Variants in MCC observed in about 807,000 individuals in gnomAD.
MCC encodes MCC regulator of Wnt signaling pathway, also known as colorectal mutant cancer protein.
MCC carries 90 observed loss-of-function variants against 116.2 expected under a neutral mutation model. The ratio of observed to expected loss-of-function variants is 0.77; its 90% CI spans 0.65 to 0.92. The LOEUF is 0.92. Among genes scored for constraint, MCC ranks in the 40% least tolerant of loss-of-function variants. The pLI is 0.00. For missense variants in MCC, 1,516 were observed against 1,312.2 expected (o/e 1.16, Z -2.40); for synonymous variants, 578 against 510.5 (o/e 1.13, Z -1.78).
chr5:113,297,049 T>G (rs1302245679), intron 3 of MCC, among the ~76,000 whole-genome samples: 1 of 152,220 alleles, frequency 6.6e-6, no homozygotes, highest in Non-Finnish European at 1.5e-5. Context: ...GTATGAGATT[T>G]TCTTCATAAA....
intron 3 of MCC, among the ~76,000 whole-genome samples, chr5:113,270,455 A>C (rs1426964998): frequency 6.6e-6 from 1 of 151,686 alleles, no homozygotes; most frequent in Non-Finnish European, 1.5e-5. Flanking sequence ...TTAGGAAAAA[A>C]GAGAACCATA....
intron 3 of MCC, among the ~76,000 whole-genome samples, chr5:113,168,040 C>A (rs1466637104): frequency 6.6e-6 from 1 of 152,088 alleles, no homozygotes; most frequent in Non-Finnish European, 1.5e-5. Flanking sequence ...TTTTGGGAGG[C>A]AACAGTTGTA....
intron 3 of MCC, among the ~76,000 whole-genome samples, chr5:113,286,232 C>G (rs555174071): frequency 1.3e-5 from 2 of 152,304 alleles, no homozygotes; most frequent in South Asian, 2.1e-4. Context: ...CAAGAAGACT[C>G]TAAGAGTGCT....
At position 113,364,253 on chromosome 5, in the gene MCC, A is replaced by C. The variant is rs561790283; in HGVS notation, c.415+20715T>G. The stretch of plus-strand genomic sequence containing the variant: ...CTCAAAAACAGAAAAAAAAAAAAAA[A>C]AAAAAAACCAGAAAAAAAAAAAAAA... On this transcript the variant is annotated intron_variant, in intron 2 of 18. Transcript: ENST00000408903. 3.1e-4 allele frequency among the ~76,000 whole-genome samples: 39 copies of C among 125,714 alleles called. 1 individual carries two copies. Among genetic ancestry groups the C allele is most frequent in the Non-Finnish European group, 4.5e-4 (27 of 60,388 alleles). 82.5% of individuals were successfully genotyped at this position (125,714 alleles called of 152,430 possible).
chr5:113,385,121 T>A lies in MCC; in HGVS notation c.262A>T (p.Ile88Phe). The A allele has an allele frequency of 6.2e-7, 1 of 1,614,224 alleles. No homozygotes were observed. Among genetic ancestry groups the A allele is most frequent in the South Asian group, 1.1e-5 (1 of 91,088 alleles). ...CATCTTGTGAAATCCTGAAAGGAAA[T>A]CTTCCCATTTTCATCTGCTCCCAAC... ...NQLGADENGK[I>F]SFQDFTRCRM... The change falls in exon 2 of 19, where the codon ATT (isoleucine) becomes TTT (phenylalanine). Residue 88 changes from isoleucine (I) to phenylalanine (F), a missense_variant. Transcript: ENST00000408903.
chr5:113,023,010 CAAG>C lies in MCC; in HGVS notation c.*4289_*4291del, dbSNP rs1164457402. On this transcript the variant is annotated 3_prime_UTR_variant, in exon 19 of 19. Coordinates refer to ENST00000408903, the MANE Select transcript of MCC (RefSeq NM_001085377.2). Reference sequence around the variant, plus strand: ...TTTCTCTACACAGGTATTAGCAAAACAAGAATACATGAACAGCTGCTATCAACT... The same window carrying C: ...TTTCTCTACACAGGTATTAGCAAAACAATACATGAACAGCTGCTATCAACT... 4.6e-5 allele frequency: 7 copies of C among 152,210 alleles called. No individual in the cohort carries two copies. The highest frequency in any genetic ancestry group is 2.1e-4 in the South Asian group (1 of 4,834). The allele number at this position is 152,210 out of a possible 1,614,324, so 9.4% of individuals were successfully genotyped here. A position where few individuals can be genotyped will look rare whatever the true frequency, so the allele number is the denominator to read the frequency against.
At chr5:113,236,374 G>C (rs1007238736) in intron 3 of MCC, among the ~76,000 whole-genome samples, 1 of 152,090 alleles carries the variant, frequency 6.6e-6, no homozygotes, top group African/African-American at 2.4e-5. Flanking sequence ...CGGGACCAGA[G>C]AAAGGCAGTA....
intron 3 of MCC, among the ~76,000 whole-genome samples, chr5:113,239,305 A>T (rs1287933549): frequency 6.6e-6 from 1 of 152,186 alleles, no homozygotes; most frequent in African/African-American, 2.4e-5. Context: ...CCATGGAAAC[A>T]TCCAGTATAC....
At chr5:113,471,902 T>C (rs3097242) in intron 1 of MCC, among the ~76,000 whole-genome samples, 104,436 of 151,582 alleles carry the variant, frequency 0.69, 36,413 homozygotes, top group East Asian at 0.88. Context: ...CCTTGCAGTT[T>C]GATCTCAGAC....
At chr5:113,180,327 C>T (rs968762866) in intron 3 of MCC, among the ~76,000 whole-genome samples, 3 of 152,036 alleles carry the variant, frequency 2.0e-5, no homozygotes, top group Non-Finnish European at 2.9e-5. Context: ...ACAGTGCTTC[C>T]AGCTCAGAAA....
chr5:113,104,526 G>C (rs1253121007), intron 6 of MCC, 171 bp from the exon 7 acceptor site: 1 of 474,700 alleles, frequency 2.1e-6, no homozygotes. Flanking sequence ...TGGAGCCAAT[G>C]CAAAGCTCTT....
chr5:113,439,368 G>A (rs1770961283), intron 1 of MCC, among the ~76,000 whole-genome samples: 1 of 139,544 alleles, frequency 7.2e-6, no homozygotes, highest in East Asian at 2.0e-4. Context: ...ACGAGGCCTT[G>A]AAGCAAAGGT....
At chr5:113,048,266 C>T (rs550086300) in intron 16 of MCC, among the ~76,000 whole-genome samples, 3 of 152,274 alleles carry the variant, frequency 2.0e-5, no homozygotes, top group South Asian at 2.1e-4. Context: ...TCAAGGTCAA[C>T]CATGGTCTGA....
At chr5:113,347,430 A>G (rs1259475316) in intron 2 of MCC, among the ~76,000 whole-genome samples, 1 of 152,078 alleles carries the variant, frequency 6.6e-6, no homozygotes, top group Non-Finnish European at 1.5e-5. Context: ...AGTTAAAAAT[A>G]ATGGGTTATG....
At chr5:113,028,313 GCAGAATTGTAAGAC>G (rs1341724429) in intron 18 of MCC, among the ~76,000 whole-genome samples, 1 of 152,140 alleles carries the variant, frequency 6.6e-6, no homozygotes, top group African/African-American at 2.4e-5. Flanking sequence ...TTAAAGATTT[GCAGAATTGTAAGAC>G]CAGTGCCACT....
At chr5:113,233,805 A>G (rs1764027284) in intron 3 of MCC, among the ~76,000 whole-genome samples, 1 of 152,224 alleles carries the variant, frequency 6.6e-6, no homozygotes, top group Non-Finnish European at 1.5e-5. Context: ...ATAACATTTA[A>G]TCCTAACAAC....
intron 16 of MCC, among the ~76,000 whole-genome samples, chr5:113,046,886 G>A (rs1752128656): frequency 6.6e-6 from 1 of 151,968 alleles, no homozygotes; most frequent in Non-Finnish European, 1.5e-5. Flanking sequence ...CTTCTCTAAA[G>A]CCCAAACTGT....
intron 3 of MCC, among the ~76,000 whole-genome samples, chr5:113,278,140 T>C (rs1765897521): frequency 6.7e-6 from 1 of 148,644 alleles, no homozygotes; most frequent in South Asian, 2.1e-4. Flanking sequence ...AGTAGCATTA[T>C]GCAAACAGCA....
At chr5:113,078,640 G>A (rs1027326876) in intron 11 of MCC, among the ~76,000 whole-genome samples, 51 of 152,142 alleles carry the variant, frequency 3.4e-4, no homozygotes, top group Non-Finnish European at 5.0e-4. Flanking sequence ...AATAATCTAG[G>A]TATTGATGGG....
Sources: gnomAD v4.1 joint callset for allele counts (sites outside exome capture counted in the v4.1 genomes callset) on GRCh38, gnomAD v4.1.1 for gene constraint, MANE v1.5 for transcripts, NCBI Gene and HGNC (gene_info 2026-07-23, HGNC 2026-07-21) for gene names.